PIK3R3: variants seen among roughly 807,000 people sequenced by gnomAD.
PIK3R3 encodes the protein phosphatidylinositol 3-kinase regulatory subunit gamma.
Under a neutral mutation model 62.9 loss-of-function variants are expected in PIK3R3, and 64 were observed. The observed-to-expected ratio is 1.02, with a 90% CI of 0.83 to 1.25. The LOEUF (loss-of-function observed/expected upper bound fraction) is 1.25. Ranked by LOEUF, PIK3R3 falls within the 50% of genes most tolerant of loss-of-function variation. PIK3R3 has a pLI of 0.00. For synonymous variants in PIK3R3, 165 were observed against 189.0 expected (o/e 0.87, Z 1.04); for missense variants, 614 against 561.6 (o/e 1.09, Z -0.94).
chr1:46,105,502 T>A lies in PIK3R3; in HGVS notation c.107-24752A>T, dbSNP rs761237159. Among the ~76,000 whole-genome samples the A allele has an allele frequency of 2.7e-4, 41 of 149,738 alleles. 1 individual carries two copies. In the Middle Eastern group the frequency reaches 0.034, roughly 125 times the overall value. On this transcript the variant is annotated intron_variant, in intron 1 of 9. Transcript: ENST00000262741. ...CTGGGTGACAGAGTGAGACTCTGTC[T>A]CAAAACAAAACAAAACAAAAAACAG...
intron 3 of PIK3R3, among the ~76,000 whole-genome samples, chr1:46,072,296 T>C (rs1649609772): frequency 1.3e-5 from 2 of 152,224 alleles, no homozygotes; most frequent in Admixed American, 1.3e-4. Context: ...AGCACTAAGT[T>C]GCAACTATTT....
At chr1:46,063,620 A>G (rs1026525184) in intron 5 of PIK3R3, among the ~76,000 whole-genome samples, 4 of 152,192 alleles carry the variant, frequency 2.6e-5, no homozygotes, top group African/African-American at 9.7e-5. Context: ...CTACTAAGTC[A>G]GCACCTCCCC....
In PIK3R3 at chr1:46,079,095, T is replaced by A. The variant is rs569137090; in HGVS notation, c.216-1482A>T. 1.5e-4 allele frequency among the ~76,000 whole-genome samples: 14 copies of A among 94,572 alleles called. No individual in the cohort carries two copies. The South Asian group carries it at 4.6e-3, about 31-fold the overall frequency. 62.0% of individuals were successfully genotyped at this position (94,572 alleles called of 152,430 possible). On this transcript the variant is annotated intron_variant, in intron 2 of 9. Transcript: ENST00000262741. ...AAATGTACTCTTAAAATAGTTGAAA[T>A]CGTAAGGGTAAAAAAAAATTAAATA...
At chr1:46,156,958 C>T in the PIK3R3 span, among the ~76,000 whole-genome samples, 1 of 152,200 alleles carries the variant, frequency 6.6e-6, no homozygotes, top group Non-Finnish European at 1.5e-5. Flanking sequence ...CTCCCTGCAA[C>T]TCCCTCCACT....
At chr1:46,173,473 C>T in the PIK3R3 span, among the ~76,000 whole-genome samples, 1 of 152,176 alleles carries the variant, frequency 6.6e-6, no homozygotes, top group Non-Finnish European at 1.5e-5. Context: ...AAAGCAGAAG[C>T]AGAGGCACCT....
chr1:46,118,889 A>G (rs950830853), intron 1 of PIK3R3, among the ~76,000 whole-genome samples: 2 of 151,208 alleles, frequency 1.3e-5, no homozygotes, highest in African/African-American at 4.9e-5. Context: ...CCCTCATTCC[A>G]TTCTAGCCAT....
In PIK3R3 at chr1:46,086,835, G is replaced by C. The variant is rs75509280; in HGVS notation, c.107-6085C>G. ...TGGCTGACAATCTATAGAAAGAGCA[G>C]TTAAGTCCTTAGTTCTCCTCCCTAC... On this transcript the variant is annotated intron_variant, in intron 1 of 9. Coordinates refer to ENST00000262741, the MANE Select transcript of PIK3R3 (RefSeq NM_003629.4). 5.5e-4 allele frequency among the ~76,000 whole-genome samples: 83 copies of C among 152,278 alleles called. No individual in the cohort carries two copies. The East Asian group carries it at 0.013, about 24-fold the overall frequency.
At chr1:46,111,569 T>C (rs1436820455) in intron 1 of PIK3R3, among the ~76,000 whole-genome samples, 1 of 151,950 alleles carries the variant, frequency 6.6e-6, no homozygotes, top group Non-Finnish European at 1.5e-5. Flanking sequence ...CTACTAAAAA[T>C]ACAAAAATTA....
At position 46,082,927 on chromosome 1, in the gene PIK3R3, A is replaced by G. The variant is rs11211253; in HGVS notation, c.107-2177T>C. ...AACCCCATCTCTACTAAAAATACAA[A>G]TATTAGCTGGGCGTGGTGGTGCACA... On this transcript the variant is annotated intron_variant, in intron 1 of 9. Transcript: ENST00000262741. Among the ~76,000 whole-genome samples, 298 of 152,144 alleles carry G rather than the reference A, an allele frequency of 2.0e-3. 1 individual carries two copies. The highest frequency in any genetic ancestry group is 7.0e-3 in the African/African-American group (291 of 41,494).
At chr1:46,129,162 C>G (rs1348464178) in intron 1 of PIK3R3, among the ~76,000 whole-genome samples, 1 of 151,836 alleles carries the variant, frequency 6.6e-6, no homozygotes, top group Non-Finnish European at 1.5e-5. Flanking sequence ...AGAACATATT[C>G]TGACACCAAA....
the PIK3R3 span, among the ~76,000 whole-genome samples, chr1:46,154,463 G>A: frequency 1.3e-4 from 20 of 152,254 alleles, no homozygotes; most frequent in African/African-American, 4.6e-4. Context: ...TAGCTACTTG[G>A]GAGGCTGAGG....
At chr1:46,162,749 G>A in the PIK3R3 span, among the ~76,000 whole-genome samples, 1 of 152,008 alleles carries the variant, frequency 6.6e-6, no homozygotes, top group African/African-American at 2.4e-5. Context: ...AGCCTCCGAA[G>A]TACCTGGGAT....
chr1:46,135,342 C>A (rs1020176398), upstream of PIK3R3, among the ~76,000 whole-genome samples: 1 of 152,044 alleles, frequency 6.6e-6, no homozygotes, highest in African/African-American at 2.4e-5. Context: ...CTCTCCCTTT[C>A]TTTTTTTAAT....
intron 7 of PIK3R3, among the ~76,000 whole-genome samples, chr1:46,049,503 C>T (rs1647202999): frequency 6.6e-6 from 1 of 152,226 alleles, no homozygotes; most frequent in African/African-American, 2.4e-5. Flanking sequence ...AGGCACAGGG[C>T]ATCCTGGATG....
intron 3 of PIK3R3, among the ~76,000 whole-genome samples, chr1:46,071,712 A>AAAATATAT (rs1472807815): frequency 4.1e-5 from 1 of 24,654 alleles, no homozygotes; most frequent in African/African-American, 1.5e-4. Context: ...AAAAAAAAAA[A>AAAATATAT]ATATATATAT....
upstream of PIK3R3, chr1:46,134,537 G>A (rs1571594680): frequency 1.3e-5 from 2 of 152,296 alleles, no homozygotes; most frequent in Admixed American, 6.5e-5. Context: ...ACAGGTAGAA[G>A]ATACTGGAAG....
At chr1:46,106,598 C>T (rs1447097020) in intron 1 of PIK3R3, among the ~76,000 whole-genome samples, 2 of 152,072 alleles carry the variant, frequency 1.3e-5, no homozygotes, top group African/African-American at 2.4e-5. Flanking sequence ...TGGATAGATA[C>T]ATTATATTTA....
At chr1:46,089,608 G>A (rs906883667) in intron 1 of PIK3R3, among the ~76,000 whole-genome samples, 4 of 151,786 alleles carry the variant, frequency 2.6e-5, no homozygotes, top group East Asian at 1.9e-4. Context: ...CCAGCGACTC[G>A]GGAGGCTGAG....
In PIK3R3 at chr1:46,087,592, CTT is replaced by C. The variant is rs35296719; in HGVS notation, c.107-6844_107-6843del. On this transcript the variant is annotated intron_variant, in intron 1 of 9. Transcript: ENST00000262741. ...GTTACCCAATGAAAAACATATTCAT[CTT>C]TTTTTTTTTTTTTTTTTTTTGGTAG... Among the ~76,000 whole-genome samples, 37 of 100,372 alleles carry C rather than the reference CTT, an allele frequency of 3.7e-4. 1 individual carries two copies. Among genetic ancestry groups the C allele is most frequent in the African/African-American group, 1.1e-3 (29 of 27,212 alleles). The allele number at this position is 100,372 out of a possible 152,430, so 65.8% of individuals were successfully genotyped here.
Sources: allele counts gnomAD v4.1 joint callset (sites outside exome capture counted in the v4.1 genomes callset), GRCh38; gene constraint gnomAD v4.1.1; transcripts MANE v1.5; gene names NCBI Gene and HGNC (gene_info 2026-07-23, HGNC 2026-07-21).